Variants in NR6A1 observed in about 807,000 individuals in gnomAD.
NR6A1 encodes the protein retinoic acid receptor-related testis-associated receptor.
A neutral mutation model predicts 59.1 loss-of-function variants in NR6A1; 7 were observed. The observed-to-expected ratio is 0.12, with a 90% CI of 0.07 to 0.22. NR6A1 has a LOEUF of 0.22. Among genes scored for constraint, NR6A1 ranks in the 10% least tolerant of loss-of-function variants. The pLI is 1.00. For missense variants in NR6A1, 468 were observed against 611.6 expected, an observed-to-expected ratio of 0.77 and a Z score of 2.48; for synonymous variants, 243 against 236.1, an observed-to-expected ratio of 1.03 and a Z score of -0.27.
intron 2 of NR6A1, among the ~76,000 whole-genome samples, chr9:124,641,830 T>G (rs1046461476): frequency 2.0e-5 from 3 of 152,208 alleles, no homozygotes; most frequent in African/African-American, 7.2e-5. Flanking sequence ...TAACATATTA[T>G]GCAGCATAAT....
chr9:124,580,814 C>G (rs1834742332), intron 2 of NR6A1, among the ~76,000 whole-genome samples: 1 of 151,608 alleles, frequency 6.6e-6, no homozygotes, highest in African/African-American at 2.4e-5. Context: ...AGTGAGACTC[C>G]AACTCAAAAA....
In NR6A1 at chr9:124,640,542, G is replaced by C. The variant is rs138673052; in HGVS notation, c.143-85972C>G. On this transcript the variant is annotated intron_variant, in intron 2 of 9. Transcript: ENST00000487099. ...AGCCTCCCAAGTGGCTAGGGCTACA[G>C]GAGTATGCCACTATGCCTGACTACT... 2.0e-4 allele frequency among the ~76,000 whole-genome samples: 31 copies of C among 152,214 alleles called. No homozygotes were observed. The East Asian group carries it at 5.2e-3, about 26-fold the overall frequency.
intron 2 of NR6A1, among the ~76,000 whole-genome samples, chr9:124,580,926 G>A (rs2131458499): frequency 1.3e-5 from 2 of 152,212 alleles, no homozygotes; most frequent in South Asian, 2.1e-4. Flanking sequence ...TATGGTACTG[G>A]TATGAGAACA....
At position 124,522,280 on chromosome 9, in the gene NR6A1, A is replaced by C. The variant is rs1018559396; in HGVS notation, c.*425T>G. The C allele has an allele frequency of 6.4e-6, 1 of 155,976 alleles. No homozygotes were observed. The highest frequency in any genetic ancestry group is 1.4e-5 in the Non-Finnish European group (1 of 70,032). The allele number at this position is 155,976 out of a possible 1,614,324, so 9.7% of individuals were successfully genotyped here. On this transcript the variant is annotated 3_prime_UTR_variant, in exon 10 of 10. Transcript: ENST00000487099. ...GAGTCTGCTGAGAAAATGTGGAAAA[A>C]GTAGGGATGGCCACACCCCCCATTT...
At chr9:124,598,252 G>T (rs568375932) in intron 2 of NR6A1, among the ~76,000 whole-genome samples, 5 of 152,120 alleles carry the variant, frequency 3.3e-5, no homozygotes, top group African/African-American at 1.2e-4. Flanking sequence ...CAGGAGGATG[G>T]CTTGAAGCCA....
chr9:124,532,293 A>G (rs530142960), intron 7 of NR6A1, among the ~76,000 whole-genome samples: 1 of 152,234 alleles, frequency 6.6e-6, no homozygotes, highest in African/African-American at 2.4e-5. Context: ...CCTGTTCTCT[A>G]CAACGTTCCT....
chr9:124,564,681 C>CTGTGTG lies in NR6A1; in HGVS notation c.143-10117_143-10112dup, dbSNP rs56301413. Among the ~76,000 whole-genome samples the CTGTGTG allele has an allele frequency of 1.2e-3, 184 of 149,394 alleles. 1 individual carries two copies. The highest frequency in any genetic ancestry group is 4.0e-3 in the African/African-American group (163 of 40,776). ...TAAGGTCCCATTCAAAATCCACACT[C>CTGTGTG]TGTGTGTGTGTGTGTGTGTGTGTGT... On this transcript the variant is annotated intron_variant, in intron 2 of 9. Transcript: ENST00000487099.
intron 3 of NR6A1, among the ~76,000 whole-genome samples, chr9:124,544,697 C>T (rs146460435): frequency 6.6e-6 from 1 of 152,194 alleles, no homozygotes; most frequent in East Asian, 1.9e-4. Context: ...GCGGCTTAAT[C>T]TGGCTAAAGC....
At chr9:124,534,869 G>A (rs914979045) in intron 7 of NR6A1, among the ~76,000 whole-genome samples, 2 of 152,112 alleles carry the variant, frequency 1.3e-5, no homozygotes, top group Non-Finnish European at 2.9e-5. Flanking sequence ...AGTGGCTCAC[G>A]CCTGTAATCC....
chr9:124,559,813 C>T (rs948505219), intron 2 of NR6A1, among the ~76,000 whole-genome samples: 1 of 152,116 alleles, frequency 6.6e-6, no homozygotes, highest in Non-Finnish European at 1.5e-5. Flanking sequence ...GAGTGTCCAA[C>T]TGTGATTTTT....
intron 1 of NR6A1, among the ~76,000 whole-genome samples, chr9:124,736,647 C>T (rs1358278223): frequency 6.6e-6 from 1 of 152,096 alleles, no homozygotes; most frequent in Non-Finnish European, 1.5e-5. Flanking sequence ...AGTCGGAGAC[C>T]AGCCTGGGCA....
At chr9:124,729,139 G>C (rs1206046989) in intron 2 of NR6A1, among the ~76,000 whole-genome samples, 1 of 152,048 alleles carries the variant, frequency 6.6e-6, no homozygotes, top group Non-Finnish European at 1.5e-5. Flanking sequence ...GTGATGGATC[G>C]TATCATAAAA....
At chr9:124,732,095 A>G (rs777533531) in intron 2 of NR6A1, among the ~76,000 whole-genome samples, 4 of 152,212 alleles carry the variant, frequency 2.6e-5, no homozygotes, top group African/African-American at 4.8e-5. Flanking sequence ...CTAAAAATTA[A>G]TAAGTATTAG....
intron 2 of NR6A1, among the ~76,000 whole-genome samples, chr9:124,712,871 T>A: frequency 6.6e-6 from 1 of 152,184 alleles, no homozygotes; most frequent in Admixed American, 6.5e-5. Flanking sequence ...AAAACATAAC[T>A]GATTTACAGA....
chr9:124,535,853 T>C, intron 7 of NR6A1, 25 bp downstream of exon 7: 1 of 1,612,472 alleles, frequency 6.2e-7, no homozygotes, highest in Non-Finnish European at 8.5e-7. Context: ...TGTTTGGTAT[T>C]TCCTCCCCAG....
intron 2 of NR6A1, among the ~76,000 whole-genome samples, chr9:124,620,751 C>A (rs1286118388): frequency 6.6e-6 from 1 of 151,298 alleles, no homozygotes; most frequent in Non-Finnish European, 1.5e-5. Context: ...GGTAAATATA[C>A]CAAACATCGC....
chr9:124,598,912 T>C, intron 2 of NR6A1: 1 of 702,744 alleles, frequency 1.4e-6, no homozygotes. Context: ...CCAGCAGCTC[T>C]GGCTTGGGGC....
chr9:124,568,982 G>A (rs889073548), intron 2 of NR6A1, among the ~76,000 whole-genome samples: 4 of 151,674 alleles, frequency 2.6e-5, no homozygotes, highest in African/African-American at 7.3e-5. Flanking sequence ...GCATGGTGGC[G>A]GGCGCCTGTA....
chr9:124,640,370 G>A (rs760541759), intron 2 of NR6A1, among the ~76,000 whole-genome samples: 2 of 152,020 alleles, frequency 1.3e-5, no homozygotes, highest in Non-Finnish European at 2.9e-5. Flanking sequence ...ACAAATGTTT[G>A]GTACTGAAGG....
Sources: allele counts gnomAD v4.1 joint callset (sites outside exome capture counted in the v4.1 genomes callset), GRCh38; gene constraint gnomAD v4.1.1; transcripts MANE v1.5; gene names NCBI Gene and HGNC (gene_info 2026-07-23, HGNC 2026-07-21).